The following LONP2 variants were observed in gnomAD, a reference collection of about 807,000 sequenced individuals.
LONP2 encodes lon protease homolog 2, peroxisomal.
In LONP2, 60 loss-of-function variants were observed where a neutral mutation model predicts 85.6. That is an observed-to-expected ratio of 0.70 (90% CI 0.57 to 0.87). LONP2 has a LOEUF of 0.87. LONP2 is among the 40% of genes least tolerant of loss of function. The pLI is 0.00. For missense variants in LONP2, 860 were observed against 1,063.5 expected (o/e 0.81, Z 2.66); for synonymous variants, 395 against 389.7 (o/e 1.01, Z -0.16).
chr16:48,335,620 A>G (rs1959623549), intron 12 of LONP2, among the ~76,000 whole-genome samples: 1 of 152,258 alleles, frequency 6.6e-6, no homozygotes, highest in African/African-American at 2.4e-5. Flanking sequence ...AATAAATCTG[A>G]TAAACTATGT....
intron 8 of LONP2, among the ~76,000 whole-genome samples, chr16:48,290,631 T>G (rs887265379): frequency 6.6e-6 from 1 of 152,174 alleles, no homozygotes; most frequent in African/African-American, 2.4e-5. Context: ...AAAGAATATT[T>G]TAAAGAATAC....
chr16:48,303,221 A>G lies in LONP2; in HGVS notation c.1711A>G (p.Ile571Val). 1.2e-6 allele frequency: 2 copies of G among 1,614,166 alleles called. No individual in the cohort carries two copies. Among genetic ancestry groups the G allele is most frequent in the Non-Finnish European group, 1.7e-6 (2 of 1,180,034 alleles). The change falls in exon 11 of 15, where the codon ATT becomes GTT. Residue 571 changes from isoleucine to valine, a missense_variant. Physicochemically the swap from Ile to Val is conservative, Grantham distance 29. Around this residue, in one of 3 missense-constraint regions of LONP2, gnomAD observed 743 missense variants for 917.3 expected, o/e 0.81. Transcript: ENST00000285737. ...VRSLDRKLGAICRAVAVKVAE... is the reference protein window; with the variant it reads ...VRSLDRKLGAVCRAVAVKVAE... The stretch of plus-strand genomic sequence containing the variant: ...TTCTCTGGATAGAAAACTTGGGGCC[A>G]TTTGCCGAGCTGTGGCCGTGAAGGT...
chr16:48,326,304 G>A (rs962195085), intron 11 of LONP2, among the ~76,000 whole-genome samples: 14 of 152,130 alleles, frequency 9.2e-5, no homozygotes, highest in Non-Finnish European at 1.5e-5. Context: ...CAATTAACAG[G>A]TTCTTGTATG....
chr16:48,332,152 C>CTGTGA (rs1053857298), intron 11 of LONP2, among the ~76,000 whole-genome samples: 133 of 152,246 alleles, frequency 8.7e-4, no homozygotes, highest in African/African-American at 3.2e-3. Flanking sequence ...AGGTTCATCC[C>CTGTGA]TGTGAGGTCC....
intron 4 of LONP2, among the ~76,000 whole-genome samples, chr16:48,259,655 G>T (rs1203447831): frequency 6.6e-6 from 1 of 152,198 alleles, no homozygotes; most frequent in Admixed American, 6.5e-5. Flanking sequence ...CAGAAGGGAA[G>T]AACTCCTCCC....
intron 9 of LONP2, among the ~76,000 whole-genome samples, chr16:48,298,490 C>A (rs951812281): frequency 3.3e-5 from 5 of 151,212 alleles, no homozygotes; most frequent in Non-Finnish European, 5.9e-5. Flanking sequence ...TATATATATA[C>A]CATCATGTGG....
Position 48,353,121 on chromosome 16 carries a change from GTTA to G in LONP2, c.*1325_*1327del. ...GTATAGTAATATTAAGCAATTTCTA[GTTA>G]TTATTCTAGCCAGTAATGGACTTCA... On this transcript the variant is annotated 3_prime_UTR_variant, in exon 15 of 15. Coordinates refer to ENST00000285737, the MANE Select transcript of LONP2 (RefSeq NM_031490.5). 6.6e-6 allele frequency: 1 copy of G among 152,240 alleles called. No individual in the cohort carries two copies. Among genetic ancestry groups the G allele is most frequent in the South Asian group, 2.1e-4 (1 of 4,820 alleles). 9.4% of individuals were successfully genotyped at this position (152,240 alleles called of 1,614,324 possible).
At chr16:48,349,978 C>T (rs560344512) in intron 14 of LONP2, among the ~76,000 whole-genome samples, 3 of 150,756 alleles carry the variant, frequency 2.0e-5, no homozygotes, top group Non-Finnish European at 3.0e-5. Context: ...ATGGGCCAGG[C>T]GTGGCAGCTG....
intron 8 of LONP2, among the ~76,000 whole-genome samples, chr16:48,286,232 C>A (rs1023915350): frequency 1.3e-5 from 2 of 149,668 alleles, no homozygotes; most frequent in African/African-American, 4.9e-5. Context: ...AGCTCCGCCT[C>A]CCAGGTTCAC....
intron 11 of LONP2, among the ~76,000 whole-genome samples, chr16:48,330,449 C>T (rs1237889239): frequency 6.6e-6 from 1 of 152,208 alleles, no homozygotes; most frequent in Non-Finnish European, 1.5e-5. Context: ...ACTGTCTTCT[C>T]CTGGTGCTGG....
At chr16:48,338,690 T>A (rs1277468768) in intron 12 of LONP2, among the ~76,000 whole-genome samples, 1 of 152,118 alleles carries the variant, frequency 6.6e-6, no homozygotes, top group African/African-American at 2.4e-5. Flanking sequence ...GGTGGATTGC[T>A]TGAGTCTGGG....
chr16:48,335,073 CTT>C, intron 12 of LONP2, among the ~76,000 whole-genome samples: 1 of 152,304 alleles, frequency 6.6e-6, no homozygotes, highest in East Asian at 1.9e-4. Flanking sequence ...GCCATATCCT[CTT>C]TTAGAACCCC....
In LONP2 at chr16:48,262,809, T is replaced by C; in HGVS notation, c.919T>C (p.Tyr307His). 1 of 1,612,358 alleles carries C rather than the reference T, an allele frequency of 6.2e-7. No individual in the cohort carries two copies. Residue 307 changes from tyrosine (Y) to histidine (H), a missense_variant, in exon 6 of 15, where the codon TAT becomes CAT. Around this residue, in one of 3 missense-constraint regions of LONP2, gnomAD observed 743 missense variants for 917.3 expected, o/e 0.81. Transcript: ENST00000285737. Reference sequence around the variant, plus strand: ...AAAAATGCCTCAGTCAATGCCAGAATATGCTCTGACTAGAAATTATTTGGA... The same window carrying C: ...AAAAATGCCTCAGTCAATGCCAGAACATGCTCTGACTAGAAATTATTTGGA... ...LKKMPQSMPE[Y>H]ALTRNYLELM...
chr16:48,352,460 C>G lies in LONP2; in HGVS notation c.*658C>G, dbSNP rs1383754258. The G allele has an allele frequency of 2.0e-5, 3 of 151,998 alleles. No individual in the cohort carries two copies. The highest frequency in any genetic ancestry group is 2.9e-5 in the Non-Finnish European group (2 of 68,032). The allele number at this position is 151,998 out of a possible 1,614,324, so 9.4% of individuals were successfully genotyped here. A position where few individuals can be genotyped will look rare whatever the true frequency, so the allele number is the denominator to read the frequency against. ...AAGAGTTCAAGACAATCCTGGCCAACGGCGAAACTCTGTCTCTACAAAAAA... is the reference window on the plus strand; with the variant it reads ...AAGAGTTCAAGACAATCCTGGCCAAGGGCGAAACTCTGTCTCTACAAAAAA... On this transcript the variant is annotated 3_prime_UTR_variant, in exon 15 of 15. Coordinates refer to ENST00000285737, the MANE Select transcript of LONP2 (RefSeq NM_031490.5).
At chr16:48,342,967 A>T (rs926366492) in intron 12 of LONP2, among the ~76,000 whole-genome samples, 21 of 152,168 alleles carry the variant, frequency 1.4e-4, no homozygotes, top group African/African-American at 5.1e-4. Flanking sequence ...AAAATTCTTC[A>T]TATCTCCATT....
chr16:48,329,518 A>C (rs1959368746), intron 11 of LONP2, among the ~76,000 whole-genome samples: 1 of 152,162 alleles, frequency 6.6e-6, no homozygotes, highest in Non-Finnish European at 1.5e-5. Flanking sequence ...GGTTTATTTT[A>C]TTAGTATTGT....
chr16:48,314,134 C>T (rs1036201759), intron 11 of LONP2, among the ~76,000 whole-genome samples: 1 of 150,900 alleles, frequency 6.6e-6, no homozygotes, highest in Non-Finnish European at 1.5e-5. Flanking sequence ...ATGTCCCTTG[C>T]CCACTTTTTA....
At chr16:48,283,959 T>C (rs1310804433) in intron 8 of LONP2, among the ~76,000 whole-genome samples, 1 of 152,166 alleles carries the variant, frequency 6.6e-6, no homozygotes, top group Non-Finnish European at 1.5e-5. Flanking sequence ...AATATCAACA[T>C]GAACAGGAGT....
intron 12 of LONP2, chr16:48,336,635 C>G: frequency 2.9e-6 from 1 of 339,904 alleles, no homozygotes; most frequent in South Asian, 2.2e-5. Flanking sequence ...ACAAGGTGCT[C>G]AGTTGGGGAG....
Sources: allele counts gnomAD v4.1 joint callset (sites outside exome capture counted in the v4.1 genomes callset), GRCh38; gene constraint gnomAD v4.1.1; regional missense constraint gnomAD v4.1.1; transcripts MANE v1.5; gene names NCBI Gene and HGNC (gene_info 2026-07-23, HGNC 2026-07-21).